The following MYRIP variants were observed in gnomAD, a reference collection of about 807,000 sequenced individuals.
MYRIP encodes the protein myosin VIIA and Rab interacting protein, also known as rab effector MyRIP.
Under a neutral mutation model 98.0 loss-of-function variants are expected in MYRIP, and 49 were observed. The ratio of observed to expected loss-of-function variants is 0.50; its 90% confidence interval spans 0.40 to 0.63. The LOEUF (loss-of-function observed/expected upper bound fraction) is 0.63, where lower values mean the gene tolerates loss of function less well. MYRIP is among the 30% of genes least tolerant of loss of function. The pLI is 0.00. For missense variants in MYRIP, 1,004 were observed against 1,058.2 expected (o/e 0.95, Z 0.71); for synonymous variants, 404 against 409.5 (o/e 0.99, Z 0.16).
intron 2 of MYRIP, among the ~76,000 whole-genome samples, chr3:39,971,028 T>C (rs1291180671): frequency 1.3e-5 from 2 of 152,100 alleles, no homozygotes; most frequent in African/African-American, 4.8e-5. Flanking sequence ...AAGAGGTGAC[T>C]CTGAATTGCA....
At chr3:40,082,180 T>A (rs957156363) in intron 3 of MYRIP, among the ~76,000 whole-genome samples, 1 of 152,182 alleles carries the variant, frequency 6.6e-6, no homozygotes, top group Non-Finnish European at 1.5e-5. Flanking sequence ...TATGTAAAAT[T>A]ATATGGAGGT....
In MYRIP at chr3:40,246,440, A is replaced by G. The variant is rs76201438; in HGVS notation, c.2262+1833A>G. ...TGCACTCAGTAAATCTGTGCTTTAC[A>G]TAAGATAAAGTAAAAGTAAACAGAA... On this transcript the variant is annotated intron_variant, in intron 13 of 16. Coordinates refer to ENST00000302541, the MANE Select transcript of MYRIP (RefSeq NM_015460.4). Among the ~76,000 whole-genome samples the G allele has an allele frequency of 8.0e-3, 1,216 of 152,364 alleles. 6 individuals are homozygous for G. The highest frequency in any genetic ancestry group is 0.012 in the Non-Finnish European group (820 of 68,040).
intron 2 of MYRIP, among the ~76,000 whole-genome samples, chr3:39,951,326 T>C (rs891859532): frequency 1.3e-5 from 2 of 152,030 alleles, no homozygotes; most frequent in South Asian, 2.1e-4. Context: ...GATTGTCATG[T>C]AGTTGGGTGG....
intron 3 of MYRIP, among the ~76,000 whole-genome samples, chr3:40,129,440 CAAAAAAAAAAAAAAAAA>C (rs386396419): frequency 3.4e-4 from 10 of 29,374 alleles, no homozygotes; most frequent in South Asian, 1.9e-3. Flanking sequence ...GACTCTGTCT[CAAAAAAAAAAAAAAAAA>C]AAAAAAAAAA....
At chr3:39,922,704 T>A (rs998657655) in intron 2 of MYRIP, among the ~76,000 whole-genome samples, 2 of 152,102 alleles carry the variant, frequency 1.3e-5, no homozygotes, top group African/African-American at 4.8e-5. Context: ...CAGCAGTAAA[T>A]CCAGAGTGTT....
intron 2 of MYRIP, among the ~76,000 whole-genome samples, chr3:39,938,947 T>C (rs926544433): frequency 1.3e-5 from 2 of 152,168 alleles, no homozygotes; most frequent in African/African-American, 4.8e-5. Flanking sequence ...AGGGCAATGC[T>C]CTTCCCACCT....
intron 9 of MYRIP, among the ~76,000 whole-genome samples, chr3:40,189,004 G>A (rs1029389597): frequency 3.7e-4 from 56 of 152,204 alleles, no homozygotes; most frequent in African/African-American, 1.3e-3. Flanking sequence ...CCTGAGCCCA[G>A]TTTAGACCAC....
chr3:40,098,746 G>GTC (rs1948881618), intron 3 of MYRIP, among the ~76,000 whole-genome samples: 1 of 150,254 alleles, frequency 6.7e-6, no homozygotes, highest in Non-Finnish European at 1.5e-5. Context: ...CTCATTGTGT[G>GTC]TGTGTGTGTG....
At chr3:40,064,647 C>T (rs1465236421) in intron 3 of MYRIP, among the ~76,000 whole-genome samples, 1 of 152,168 alleles carries the variant, frequency 6.6e-6, no homozygotes, top group Non-Finnish European at 1.5e-5. Flanking sequence ...CACGGAGGTC[C>T]TGGGATGCCT....
chr3:39,836,808 A>G (rs1228809135), intron 1 of MYRIP, among the ~76,000 whole-genome samples: 1 of 152,220 alleles, frequency 6.6e-6, no homozygotes, highest in East Asian at 1.9e-4. Flanking sequence ...GATAATTAAC[A>G]TGGTTAAGAG....
At chr3:40,102,022 G>A (rs1948954880) in intron 3 of MYRIP, among the ~76,000 whole-genome samples, 1 of 152,274 alleles carries the variant, frequency 6.6e-6, no homozygotes, top group South Asian at 2.1e-4. Flanking sequence ...GAGTCGGTCA[G>A]TTTCTCAGAA....
chr3:39,842,572 C>T (rs1941835304), intron 1 of MYRIP, among the ~76,000 whole-genome samples: 2 of 152,134 alleles, frequency 1.3e-5, no homozygotes, highest in East Asian at 1.9e-4. Flanking sequence ...GTGGTTGAAA[C>T]CCAGGGCCCT....
chr3:40,230,857 G>C (rs1008752825), intron 11 of MYRIP, among the ~76,000 whole-genome samples: 1 of 146,644 alleles, frequency 6.8e-6, no homozygotes, highest in Admixed American at 6.9e-5. Context: ...GCGGAATTTC[G>C]CTCTTGTTGC....
chr3:39,839,828 TG>T (rs1941740507), intron 1 of MYRIP, among the ~76,000 whole-genome samples: 1 of 152,228 alleles, frequency 6.6e-6, no homozygotes, highest in Non-Finnish European at 1.5e-5. Flanking sequence ...GTTTGCACTG[TG>T]GTCTGAGAGA....
chr3:39,815,596 T>G (rs1158310346), intron 1 of MYRIP, among the ~76,000 whole-genome samples: 1 of 152,168 alleles, frequency 6.6e-6, no homozygotes, highest in Non-Finnish European at 1.5e-5. Flanking sequence ...TTTGGCATCT[T>G]TGTTGGTTTG....
In MYRIP at chr3:40,205,943, G is replaced by A. The variant is rs371467179; in HGVS notation, c.1666-3911G>A. Among the ~76,000 whole-genome samples the A allele has an allele frequency of 9.6e-4, 146 of 152,026 alleles. 2 individuals are homozygous for A. The South Asian group carries it at 0.027, about 29-fold the overall frequency. On this transcript the variant is annotated intron_variant, in intron 10 of 16. Transcript: ENST00000302541. ...TTCCCATTTCCTGTTCAATCAACAC[G>A]TACCCCTCTATTGTTGTCTTACTAG...
chr3:39,976,728 AG>A (rs1167645463), intron 2 of MYRIP, among the ~76,000 whole-genome samples: 2 of 152,210 alleles, frequency 1.3e-5, no homozygotes, highest in Non-Finnish European at 2.9e-5. Flanking sequence ...AAAAAGGATG[AG>A]TTCCTTGTCC....
Position 40,135,641 on chromosome 3 carries a change from G to C in MYRIP, c.333-15407G>C, listed in dbSNP as rs143937704. 4.6e-5 allele frequency among the ~76,000 whole-genome samples: 7 copies of C among 152,094 alleles called. No homozygotes were observed. In the East Asian group the frequency reaches 9.7e-4, roughly 21 times the overall value. ...TTAAGGGCAGCCAGAGAGAAAGGTC[G>C]GGTTACCCACAAAGGGAAGCCCATC... On this transcript the variant is annotated intron_variant, in intron 3 of 16. Coordinates refer to ENST00000302541, the MANE Select transcript of MYRIP (RefSeq NM_015460.4).
intron 11 of MYRIP, among the ~76,000 whole-genome samples, chr3:40,222,779 C>T (rs772482522): frequency 6.6e-6 from 1 of 152,150 alleles, no homozygotes; most frequent in African/African-American, 2.4e-5. Flanking sequence ...GTATAAAGAA[C>T]CTGTACAAGA....
Sources: allele counts gnomAD v4.1 joint callset (sites outside exome capture counted in the v4.1 genomes callset), GRCh38; gene constraint gnomAD v4.1.1; transcripts MANE v1.5; gene names NCBI Gene and HGNC (gene_info 2026-07-23, HGNC 2026-07-21).